The following ISM1 variants were observed in gnomAD, a reference collection of about 807,000 sequenced individuals.
ISM1 encodes the protein isthmin 1.
Under a neutral mutation model 46.3 loss-of-function variants are expected in ISM1, and 25 were observed. The ratio of observed to expected loss-of-function variants is 0.54; its 90% CI spans 0.39 to 0.75. The LOEUF (loss-of-function observed/expected upper bound fraction) is 0.75. ISM1 is among the 30% of genes least tolerant of loss of function. The probability of loss-of-function intolerance (pLI) is 0.00; values close to 1 mark genes in which losing one functional copy is unlikely to be tolerated. For synonymous variants in ISM1, 255 were observed against 256.7 expected (o/e 0.99, Z 0.06); for missense variants, 536 against 625.4 (o/e 0.86, Z 1.52).
intron 3 of ISM1, among the ~76,000 whole-genome samples, chr20:13,286,694 G>A (rs2040297080): frequency 6.6e-6 from 1 of 152,182 alleles, no homozygotes; most frequent in African/African-American, 2.4e-5. Context: ...TTAGTGGACT[G>A]AGGAGGCTCC....
intron 1 of ISM1, 96 bp downstream of exon 1, chr20:13,222,010 T>G (rs1600468285): frequency 8.9e-7 from 1 of 1,118,032 alleles, no homozygotes; most frequent in Non-Finnish European, 1.1e-6. Context: ...GGGAGGCAGG[T>G]CCCCTGCCCC....
At chr20:13,274,244 C>T (rs1350228667) in intron 2 of ISM1, among the ~76,000 whole-genome samples, 1 of 152,156 alleles carries the variant, frequency 6.6e-6, no homozygotes, top group Admixed American at 6.5e-5. Context: ...AGCCCTCACC[C>T]CTTCCTCAGA....
the ISM1 span, among the ~76,000 whole-genome samples, chr20:13,314,050 G>C: frequency 6.6e-6 from 1 of 152,018 alleles, no homozygotes; most frequent in Non-Finnish European, 1.5e-5. Context: ...CTCTGAACTT[G>C]AAGACATCTC....
the ISM1 span, among the ~76,000 whole-genome samples, chr20:13,321,204 A>T: frequency 1.3e-5 from 2 of 150,058 alleles, no homozygotes; most frequent in Non-Finnish European, 3.0e-5. Flanking sequence ...CCTGTCTCCA[A>T]AACAATAAAA....
intron 1 of ISM1, among the ~76,000 whole-genome samples, chr20:13,248,268 G>T (rs1324048276): frequency 1.3e-5 from 2 of 152,128 alleles, no homozygotes; most frequent in African/African-American, 4.8e-5. Flanking sequence ...AGCAACAAGG[G>T]ATCTGATATC....
chr20:13,273,580 G>A (rs1206566943), intron 2 of ISM1, among the ~76,000 whole-genome samples: 6 of 152,112 alleles, frequency 3.9e-5, no homozygotes, highest in South Asian at 4.1e-4. Context: ...AAGCTATAGC[G>A]TAAAGGCTGA....
chr20:13,252,056 G>A (rs990249782), intron 1 of ISM1, among the ~76,000 whole-genome samples: 2 of 152,162 alleles, frequency 1.3e-5, no homozygotes, highest in Non-Finnish European at 1.5e-5. Flanking sequence ...GTTGGGGGCT[G>A]TGAGATTTAT....
At chr20:13,321,894 C>CT in the ISM1 span, among the ~76,000 whole-genome samples, 1 of 152,184 alleles carries the variant, frequency 6.6e-6, no homozygotes, top group African/African-American at 2.4e-5. Flanking sequence ...TGGCTGCATG[C>CT]TAGCTATGTG....
chr20:13,281,791 C>T (rs1234057674), intron 3 of ISM1, among the ~76,000 whole-genome samples: 4 of 152,308 alleles, frequency 2.6e-5, no homozygotes, highest in East Asian at 1.9e-4. Flanking sequence ...GATTGCACAG[C>T]GTTTGTGGCT....
intron 1 of ISM1, among the ~76,000 whole-genome samples, chr20:13,233,798 A>T (rs2039617623): frequency 1.3e-5 from 2 of 152,132 alleles, no homozygotes; most frequent in Non-Finnish European, 2.9e-5. Context: ...CCAAATGTTC[A>T]CTAGGTGCAT....
At position 13,255,109 on chromosome 20, in the gene ISM1, G is replaced by C. The variant is rs559554579; in HGVS notation, c.139-15395G>C. The stretch of plus-strand genomic sequence containing the variant: ...ACAAATACTACAAATTAAATAAGCA[G>C]AATGATAGAGGGGAGCTTTTAAAGG... On this transcript the variant is annotated intron_variant, in intron 1 of 5. Coordinates refer to ENST00000262487, the MANE Select transcript of ISM1 (RefSeq NM_080826.2). 7.9e-5 allele frequency among the ~76,000 whole-genome samples: 12 copies of C among 152,300 alleles called. No homozygotes were observed. In the South Asian group the frequency reaches 2.3e-3, roughly 29 times the overall value.
downstream of ISM1, among the ~76,000 whole-genome samples, chr20:13,301,997 A>C (rs2040462031): frequency 6.6e-6 from 1 of 152,236 alleles, no homozygotes. Flanking sequence ...TTGTAATAAG[A>C]AAATAGTATG....
At chr20:13,267,235 C>A (rs186051729) in intron 1 of ISM1, among the ~76,000 whole-genome samples, 72 of 152,302 alleles carry the variant, frequency 4.7e-4, no homozygotes, top group Non-Finnish European at 3.1e-4. Context: ...CTCAGATGTT[C>A]AGAGATTGTG....
At chr20:13,239,370 ATGGGCATGAAT>A (rs2039690627) in intron 1 of ISM1, 2 of 152,222 alleles carry the variant, frequency 1.3e-5, no homozygotes, top group African/African-American at 4.8e-5. Context: ...GAACCCAATA[ATGGGCATGAAT>A]GGCCTTGGCC....
At chr20:13,250,541 T>C (rs1427804951) in intron 1 of ISM1, among the ~76,000 whole-genome samples, 2 of 152,184 alleles carry the variant, frequency 1.3e-5, no homozygotes, top group Non-Finnish European at 2.9e-5. Flanking sequence ...TTGCTGCACA[T>C]TGGAATCGCC....
At chr20:13,323,628 A>G in the ISM1 span, among the ~76,000 whole-genome samples, 1 of 152,220 alleles carries the variant, frequency 6.6e-6, no homozygotes, top group Admixed American at 6.5e-5. Context: ...CCATACGACT[A>G]TAATTCTCAT....
Position 13,270,515 on chromosome 20 carries a change from C to G in ISM1, c.150C>G (p.Asn50Lys), listed in dbSNP as rs376083651. Residue 50 changes from asparagine (N) to lysine (K), a missense_variant, in exon 2 of 6, where the codon AAC becomes AAG. Asn to Lys is a moderately conservative substitution (Grantham distance 94, BLOSUM62 0). Around this residue, in one of 2 missense-constraint regions of ISM1, gnomAD observed 367 missense variants for 376.1 expected, o/e 0.98. Coordinates refer to ENST00000262487, the MANE Select transcript of ISM1 (RefSeq NM_080826.2). ...ASQAQLQNNL[N>K]VGSDTTSETS... ...TTTGTTTGTTTTAGAATAACCTCAA[C>G]GTGGGAAGTGACACCACATCAGAAA... is the stretch of plus-strand genomic sequence containing the variant. 1 of 1,612,914 alleles carries G rather than the reference C, an allele frequency of 6.2e-7. No homozygotes were observed. The highest frequency in any genetic ancestry group is 1.7e-5 in the Admixed American group (1 of 59,856).
chr20:13,285,063 G>C lies in ISM1; in HGVS notation c.644-3477G>C, dbSNP rs28645852. Among the ~76,000 whole-genome samples, 395 of 152,310 alleles carry C rather than the reference G, an allele frequency of 2.6e-3. 1 individual carries two copies. The highest frequency in any genetic ancestry group is 9.2e-3 in the African/African-American group (383 of 41,570). ...GCACTTTGGGAGGCCAAGGCAGGAG[G>C]ATTGCCTGAAGCCAGGATTTCAAGG... On this transcript the variant is annotated intron_variant, in intron 3 of 5. Transcript: ENST00000262487.
chr20:13,282,682 T>A (rs919138507), intron 3 of ISM1, among the ~76,000 whole-genome samples: 1 of 152,228 alleles, frequency 6.6e-6, no homozygotes, highest in African/African-American at 2.4e-5. Context: ...ATCATTAGAC[T>A]GGACATCGGG....
Sources: gnomAD v4.1 joint callset for allele counts (sites outside exome capture counted in the v4.1 genomes callset) on GRCh38, gnomAD v4.1.1 for gene constraint, gnomAD v4.1.1 regional missense constraint, MANE v1.5 for transcripts, NCBI Gene and HGNC (gene_info 2026-07-23, HGNC 2026-07-21) for gene names.